Variants in ACTR2 observed in about 807,000 individuals in gnomAD.
ACTR2 encodes the protein actin-related protein 2.
Under a neutral mutation model 50.2 loss-of-function variants are expected in ACTR2, and 5 were observed. That is an observed-to-expected ratio of 0.10 (90% CI 0.05 to 0.21). The LOEUF (loss-of-function observed/expected upper bound fraction) is 0.21, where lower values mean the gene tolerates loss of function less well. ACTR2 is among the 10% of genes least tolerant of loss of function. The pLI is 1.00. For synonymous variants in ACTR2, 140 were observed against 162.9 expected (o/e 0.86, Z 1.07); for missense variants, 180 against 480.6 (o/e 0.37, Z 5.85).
intron 1 of ACTR2, among the ~76,000 whole-genome samples, chr2:65,232,535 A>G (rs1325019824): frequency 6.6e-6 from 1 of 152,216 alleles, no homozygotes; most frequent in Admixed American, 6.5e-5. Context: ...GTGGCCTAAG[A>G]TCAGAACAGT....
At chr2:65,261,026 A>G (rs268861) in intron 6 of ACTR2, among the ~76,000 whole-genome samples, 129,736 of 152,076 alleles carry the variant, frequency 0.85, 55,465 homozygotes, top group Middle Eastern at 0.9. Context: ...CACCACGCCC[A>G]GCCTGGCATA....
At chr2:65,243,071 G>T (rs963868585) in intron 2 of ACTR2, among the ~76,000 whole-genome samples, 1 of 152,086 alleles carries the variant, frequency 6.6e-6, no homozygotes, top group African/African-American at 2.4e-5. Context: ...ACGAGGTCAC[G>T]AGTTCAAGAC....
At chr2:65,240,189 T>C (rs1182913248) in intron 2 of ACTR2, among the ~76,000 whole-genome samples, 1 of 152,248 alleles carries the variant, frequency 6.6e-6, no homozygotes, top group East Asian at 1.9e-4. Context: ...CATTACTCTT[T>C]GGAGTAAAAT....
At chr2:65,257,384 A>G (rs1672170395) in intron 6 of ACTR2, among the ~76,000 whole-genome samples, 1 of 152,146 alleles carries the variant, frequency 6.6e-6, no homozygotes, top group Non-Finnish European at 1.5e-5. Flanking sequence ...AGTCTTTGCT[A>G]TTGTGAATAG....
rs1187991765 is a variant in ACTR2 at position 65,246,531 on chromosome 2, T to C, written c.167T>C (p.Met56Thr). Residue 56 changes from methionine (M) to threonine (T), a missense_variant, in exon 3 of 9, where the codon ATG (methionine) becomes ACG (threonine). Coordinates refer to ENST00000260641, the MANE Select transcript of ACTR2 (RefSeq NM_005722.4). ...TTTGACATAATTTTCTAGGATCTTATGGTTGGTGATGAGGCAAGTGAATTA... is the reference window on the plus strand; with the variant it reads ...TTTGACATAATTTTCTAGGATCTTACGGTTGGTGATGAGGCAAGTGAATTA... ...KVGNIEIKDLMVGDEASELRS... is the reference protein window; with the variant it reads ...KVGNIEIKDLTVGDEASELRS... The C allele has an allele frequency of 6.3e-7, 1 of 1,597,286 alleles. No homozygotes were observed. Among genetic ancestry groups the C allele is most frequent in the Non-Finnish European group, 8.5e-7 (1 of 1,173,134 alleles).
chr2:65,238,400 C>T (rs188902840), intron 1 of ACTR2, among the ~76,000 whole-genome samples: 3,067 of 152,190 alleles, frequency 0.02, 57 homozygotes, highest in Middle Eastern at 0.075. Context: ...TGGCTCACGC[C>T]TGTAATCCCA....
At chr2:65,242,093 G>A in intron 2 of ACTR2, 1 of 1,540,306 alleles carries the variant, frequency 6.5e-7, no homozygotes, top group South Asian at 1.1e-5. Context: ...TGCTCTGTTT[G>A]TTTTCCACTT....
rs755266595 is a variant in ACTR2, at chr2:65,227,954, C to T, written c.45C>T (p.Thr15=). 1.2e-5 allele frequency: 18 copies of T among 1,517,232 alleles called. No homozygotes were observed. The highest frequency in any genetic ancestry group is 1.0e-4 in the African/African-American group (7 of 69,400). The allele number at this position is 1,517,232 out of a possible 1,614,324, so 94.0% of individuals were successfully genotyped here. ...GRKVVVCDNG[T]GFVKCGYAGS... Reference sequence around the variant, plus strand: ...AGGTGGTGGTGTGCGACAACGGCACCGGGGTAAGGGCCGCGCGAGGAGGCC... The same window carrying T: ...AGGTGGTGGTGTGCGACAACGGCACTGGGGTAAGGGCCGCGCGAGGAGGCC... The change falls in exon 1 of 9, where the codon ACC becomes ACT. Residue 15 remains threonine, a synonymous_variant. Coordinates refer to ENST00000260641, the MANE Select transcript of ACTR2 (RefSeq NM_005722.4).
chr2:65,262,976 C>T (rs1350184518), intron 7 of ACTR2, among the ~76,000 whole-genome samples: 1 of 142,544 alleles, frequency 7.0e-6, no homozygotes, highest in African/African-American at 2.6e-5. Flanking sequence ...TCCCCACCGC[C>T]ACAAAAGAAA....
At chr2:65,260,889 C>A (rs1210716002) in intron 6 of ACTR2, among the ~76,000 whole-genome samples, 1 of 151,892 alleles carries the variant, frequency 6.6e-6, no homozygotes, top group African/African-American at 2.4e-5. Flanking sequence ...CGCCACCACA[C>A]CCGGCTAATT....
chr2:65,262,800 T>G (rs1279200941), intron 7 of ACTR2, among the ~76,000 whole-genome samples: 1 of 151,636 alleles, frequency 6.6e-6, no homozygotes, highest in African/African-American at 2.4e-5. Flanking sequence ...TTACATAAAT[T>G]TTTTTCAAAA....
intron 1 of ACTR2, among the ~76,000 whole-genome samples, chr2:65,239,000 A>G (rs971078186): frequency 3.3e-5 from 5 of 152,084 alleles, no homozygotes; most frequent in African/African-American, 9.7e-5. Flanking sequence ...TGCCTAATAA[A>G]TGTTTCTTTT....
intron 7 of ACTR2, among the ~76,000 whole-genome samples, chr2:65,263,081 G>A (rs1202221633): frequency 6.6e-6 from 1 of 151,198 alleles, no homozygotes; most frequent in Non-Finnish European, 1.5e-5. Context: ...TCGCTCTGTC[G>A]CCAGGCTGGA....
intron 2 of ACTR2, among the ~76,000 whole-genome samples, chr2:65,240,458 CTT>C (rs534274563): frequency 1.2e-3 from 189 of 152,190 alleles, no homozygotes; most frequent in African/African-American, 2.9e-3. Flanking sequence ...ATTAATATAA[CTT>C]ATTTCCATAA....
chr2:65,234,144 C>A lies in ACTR2; in HGVS notation c.49-5708C>A, dbSNP rs572867644. 3.3e-5 allele frequency among the ~76,000 whole-genome samples: 5 copies of A among 151,618 alleles called. No individual in the cohort carries two copies. The East Asian group carries it at 9.8e-4, about 30-fold the overall frequency. Reference sequence around the variant, plus strand: ...TCAGGCTGGTCTCGAACTCCTGGGCCCAAGCAATCCACCCACTTTGGCTTC... The same window carrying A: ...TCAGGCTGGTCTCGAACTCCTGGGCACAAGCAATCCACCCACTTTGGCTTC... On this transcript the variant is annotated intron_variant, in intron 1 of 8. Transcript: ENST00000260641.
chr2:65,268,025 G>A (rs992278284), intron 8 of ACTR2, among the ~76,000 whole-genome samples: 4 of 151,862 alleles, frequency 2.6e-5, no homozygotes, highest in Middle Eastern at 3.4e-3. Context: ...TTTTAGTAGA[G>A]ACGGGGTTTC....
intron 6 of ACTR2, among the ~76,000 whole-genome samples, chr2:65,256,087 T>C (rs1372304048): frequency 6.6e-6 from 1 of 152,194 alleles, no homozygotes; most frequent in African/African-American, 2.4e-5. Flanking sequence ...TTGATTTCAC[T>C]TCACTGTAGA....
At chr2:65,239,741 C>T in intron 1 of ACTR2, 111 bp from the exon 2 acceptor site, 1 of 738,246 alleles carries the variant, frequency 1.4e-6, no homozygotes, top group South Asian at 1.5e-5. Context: ...ACTGAAAGCA[C>T]CAAAAGTTTA....
chr2:65,248,179 A>T (rs1300514449), intron 3 of ACTR2, among the ~76,000 whole-genome samples: 5 of 152,140 alleles, frequency 3.3e-5, no homozygotes, highest in Non-Finnish European at 7.4e-5. Context: ...AGGTGGGCGG[A>T]TCACGAGGTC....
Sources: gnomAD v4.1 joint callset for allele counts (sites outside exome capture counted in the v4.1 genomes callset) on GRCh38, gnomAD v4.1.1 for gene constraint, MANE v1.5 for transcripts, NCBI Gene and HGNC (gene_info 2026-07-23, HGNC 2026-07-21) for gene names.